The following HPSE2 variants were observed in gnomAD, a reference collection of about 807,000 sequenced individuals.
The protein encoded by HPSE2 is heparanase 2 (inactive).
HPSE2 carries 38 observed loss-of-function variants against 60.5 expected under a neutral mutation model. The observed-to-expected ratio is 0.63, with a 90% confidence interval of 0.48 to 0.82. HPSE2 has a LOEUF of 0.82. Among genes scored for constraint, HPSE2 ranks in the 40% least tolerant of loss-of-function variants. The pLI, the probability that HPSE2 is intolerant of heterozygous loss-of-function variation, is 0.00. For missense variants in HPSE2, 713 were observed against 740.4 expected, an observed-to-expected ratio of 0.96 and a Z score of 0.43; for synonymous variants, 295 against 293.2, an observed-to-expected ratio of 1.01 and a Z score of -0.06.
chr10:98,546,624 C>T (rs1467956876), intron 9 of HPSE2, among the ~76,000 whole-genome samples: 3 of 151,018 alleles, frequency 2.0e-5, no homozygotes, highest in African/African-American at 7.3e-5. Flanking sequence ...AAACTGGATC[C>T]CTTCCTTACA....
At chr10:98,614,701 ATGTG>A (rs141443710) in intron 9 of HPSE2, among the ~76,000 whole-genome samples, 199 bp downstream of exon 9, 44 of 148,880 alleles carry the variant, frequency 3.0e-4, no homozygotes, top group Non-Finnish European at 4.3e-4. Flanking sequence ...GAGTGAACAG[ATGTG>A]TGTGTGTGTG....
At chr10:98,558,474 C>T (rs1944077897) in intron 9 of HPSE2, among the ~76,000 whole-genome samples, 1 of 152,116 alleles carries the variant, frequency 6.6e-6, no homozygotes, top group Non-Finnish European at 1.5e-5. Context: ...TGGATGCTTC[C>T]CACAAATATA....
chr10:99,201,883 T>C (rs1848586403), intron 2 of HPSE2, among the ~76,000 whole-genome samples: 1 of 151,990 alleles, frequency 6.6e-6, no homozygotes, highest in South Asian at 2.1e-4. Context: ...GAAACCAAAA[T>C]GGCCAGAAGA....
chr10:98,755,865 A>C (rs925703791), intron 3 of HPSE2, among the ~76,000 whole-genome samples: 8 of 152,002 alleles, frequency 5.3e-5, no homozygotes, highest in African/African-American at 1.7e-4. Flanking sequence ...GCGTAGTAGC[A>C]CATGCCTGTA....
intron 2 of HPSE2, among the ~76,000 whole-genome samples, chr10:99,174,518 T>A (rs548512739): frequency 1.3e-5 from 2 of 152,300 alleles, no homozygotes; most frequent in African/African-American, 2.4e-5. Flanking sequence ...GCAAAGTTAA[T>A]AAAGGTATCA....
upstream of HPSE2, among the ~76,000 whole-genome samples, chr10:99,240,409 C>CTTT (rs1300852308): frequency 8.5e-6 from 1 of 117,186 alleles, no homozygotes; most frequent in South Asian, 2.7e-4. Flanking sequence ...CAATGATTTT[C>CTTT]TTTTTTTTTT....
upstream of HPSE2, among the ~76,000 whole-genome samples, chr10:99,237,091 C>T (rs545792783): frequency 2.0e-5 from 3 of 152,150 alleles, no homozygotes; most frequent in Non-Finnish European, 2.9e-5. Flanking sequence ...GCTTCCACCC[C>T]ACAACAGCTT....
intron 3 of HPSE2, among the ~76,000 whole-genome samples, chr10:98,862,613 A>G (rs1952484966): frequency 2.0e-5 from 3 of 152,202 alleles, no homozygotes; most frequent in African/African-American, 7.2e-5. Flanking sequence ...AGGATATACT[A>G]GGCTTAGCAG....
chr10:99,250,327 C>G, the HPSE2 span, among the ~76,000 whole-genome samples: 7 of 152,180 alleles, frequency 4.6e-5, no homozygotes, highest in Admixed American at 4.6e-4. Context: ...TTATAAATTA[C>G]CCAGTTTCAG....
chr10:98,625,047 T>C (rs1946171183), intron 7 of HPSE2, among the ~76,000 whole-genome samples: 1 of 152,254 alleles, frequency 6.6e-6, no homozygotes. Context: ...TTCACTTTTG[T>C]ATTTACTTCC....
chr10:99,041,995 C>G (rs1957750552), intron 3 of HPSE2, among the ~76,000 whole-genome samples: 3 of 152,206 alleles, frequency 2.0e-5, no homozygotes. Context: ...TTTGTACACA[C>G]AGACCTTCAC....
At chr10:98,461,827 G>A in intron 11 of HPSE2, 1 of 1,589,990 alleles carries the variant, frequency 6.3e-7, no homozygotes, top group Non-Finnish European at 8.6e-7. Context: ...GTTCTGGGGA[G>A]TGCAAAACAA....
intron 3 of HPSE2, among the ~76,000 whole-genome samples, chr10:98,936,313 G>C (rs1954788352): frequency 6.9e-6 from 1 of 143,890 alleles, no homozygotes; most frequent in Non-Finnish European, 1.5e-5. Flanking sequence ...GGAGTGGACT[G>C]TTCTCCTGTC....
intron 3 of HPSE2, among the ~76,000 whole-genome samples, chr10:99,094,323 A>C (rs1843622552): frequency 2.0e-5 from 3 of 151,592 alleles, no homozygotes; most frequent in African/African-American, 7.3e-5. Context: ...TTTTACAGTC[A>C]AGTGCAGAAA....
At chr10:99,255,688 T>C in the HPSE2 span, among the ~76,000 whole-genome samples, 1 of 152,204 alleles carries the variant, frequency 6.6e-6, no homozygotes, top group Admixed American at 6.5e-5. Flanking sequence ...GGAAACTTTG[T>C]TCATTTAATA....
At chr10:99,052,275 T>C (rs1015263373) in intron 3 of HPSE2, among the ~76,000 whole-genome samples, 2 of 147,794 alleles carry the variant, frequency 1.4e-5, no homozygotes, top group East Asian at 2.0e-4. Context: ...AAGTACAACA[T>C]GTGAAATAAA....
chr10:98,825,390 A>T (rs76664984), intron 3 of HPSE2, among the ~76,000 whole-genome samples: 2,108 of 152,248 alleles, frequency 0.014, 42 homozygotes, highest in African/African-American at 0.047. Context: ...TGCCAATTAT[A>T]TAAGTCCTTA....
At chr10:99,155,550 A>C (rs1264993342) in intron 2 of HPSE2, among the ~76,000 whole-genome samples, 6 of 136,902 alleles carry the variant, frequency 4.4e-5, no homozygotes, top group African/African-American at 1.3e-4. Context: ...GTTCTTTGAA[A>C]CCAACGAGAA....
At chr10:98,906,341 T>A (rs1953815895) in intron 3 of HPSE2, among the ~76,000 whole-genome samples, 1 of 152,176 alleles carries the variant, frequency 6.6e-6, no homozygotes, top group South Asian at 2.1e-4. Flanking sequence ...GGAGTTTCAT[T>A]GTGAAGAAAC....
Sources: gnomAD v4.1 joint callset for allele counts (sites outside exome capture counted in the v4.1 genomes callset) on GRCh38, gnomAD v4.1.1 for gene constraint, MANE v1.5 for transcripts, NCBI Gene and HGNC (gene_info 2026-07-23, HGNC 2026-07-21) for gene names.